The following AKNA variants were observed in gnomAD, a reference collection of about 807,000 sequenced individuals.
The protein encoded by AKNA is microtubule organization protein AKNA.
Under a neutral mutation model 138.8 loss-of-function variants are expected in AKNA, and 67 were observed. That is an observed-to-expected ratio of 0.48 (90% CI 0.40 to 0.59). The LOEUF (loss-of-function observed/expected upper bound fraction) is 0.59. Among genes scored for constraint, AKNA ranks in the 20% least tolerant of loss-of-function variants. The pLI, the probability that AKNA is intolerant of heterozygous loss-of-function variation, is 0.00. For missense variants in AKNA, 1,813 were observed against 1,880.4 expected (o/e 0.96, Z 0.66); for synonymous variants, 737 against 754.4 (o/e 0.98, Z 0.38).
chr9:114,330,844 G>C, downstream of AKNA: 2 of 1,613,932 alleles, frequency 1.2e-6, no homozygotes, highest in East Asian at 2.2e-5. Flanking sequence ...GCGGGAGAAT[G>C]GGACCGTCTC....
intron 1 of AKNA, among the ~76,000 whole-genome samples, chr9:114,394,002 G>A (rs899533725): frequency 3.3e-5 from 5 of 151,826 alleles, no homozygotes; most frequent in Admixed American, 6.6e-5. Context: ...GCGAAACCCC[G>A]TCTCTACTAA....
At chr9:114,338,714 CCT>C (rs1395287193) in intron 21 of AKNA, among the ~76,000 whole-genome samples, 4 of 152,182 alleles carry the variant, frequency 2.6e-5, no homozygotes, top group African/African-American at 9.7e-5. Flanking sequence ...CTTTGCAAGG[CCT>C]CTGTTTTCCC....
chr9:114,361,266 G>T (rs1343940132), intron 9 of AKNA, among the ~76,000 whole-genome samples: 1 of 152,146 alleles, frequency 6.6e-6, no homozygotes, highest in Admixed American at 6.5e-5. Flanking sequence ...TGTTTTCCCT[G>T]CTGGATGGGT....
intron 14 of AKNA, among the ~76,000 whole-genome samples, chr9:114,353,603 T>C (rs1401549572): frequency 1.3e-5 from 2 of 152,210 alleles, no homozygotes; most frequent in Non-Finnish European, 2.9e-5. Flanking sequence ...CACTTAATAT[T>C]GGGTATAAGC....
Position 114,336,877 on chromosome 9 carries a change from G to T in AKNA, c.*177C>A. On this transcript the variant is annotated 3_prime_UTR_variant, in exon 22 of 22. Coordinates refer to ENST00000374088, the MANE Select transcript of AKNA (RefSeq NM_001317950.2). ...AGTCACTTCTCTTGGTGACCGAGCT[G>T]ACACCCCCTCCACTTGGAAAGCACA... is the stretch of plus-strand genomic sequence containing the variant. The T allele has an allele frequency of 1.4e-6, 1 of 740,046 alleles. No individual in the cohort carries two copies. Among genetic ancestry groups the T allele is most frequent in the Non-Finnish European group, 1.9e-6 (1 of 520,704 alleles). 45.8% of individuals were successfully genotyped at this position (740,046 alleles called of 1,614,324 possible).
chr9:114,342,301 T>A (rs1455779311), intron 19 of AKNA, among the ~76,000 whole-genome samples, 176 bp from the exon 20 acceptor site: 1 of 152,194 alleles, frequency 6.6e-6, no homozygotes, highest in Non-Finnish European at 1.5e-5. Context: ...AGCAAGCATT[T>A]AGTGAGCCAG....
At chr9:114,383,093 GC>G in intron 1 of AKNA, 1 of 455,352 alleles carries the variant, frequency 2.2e-6, no homozygotes, top group East Asian at 7.0e-5. Flanking sequence ...TGGTTTCGCC[GC>G]CGATGGCTGG....
intron 11 of AKNA, among the ~76,000 whole-genome samples, chr9:114,358,591 T>TAGATAG (rs57850665): frequency 0.056 from 8,455 of 152,024 alleles, 713 homozygotes; most frequent in African/African-American, 0.18. Context: ...ACCTGAATAT[T>TAGATAG]ATCATATACT....
At chr9:114,373,333 C>G (rs1832933239) in intron 4 of AKNA, among the ~76,000 whole-genome samples, 1 of 152,136 alleles carries the variant, frequency 6.6e-6, no homozygotes, top group South Asian at 2.1e-4. Flanking sequence ...TCCTCCTGCC[C>G]CATACTGCTG....
chr9:114,343,912 C>T, intron 18 of AKNA, 109 bp from the exon 19 acceptor site: 2 of 938,422 alleles, frequency 2.1e-6, no homozygotes, highest in South Asian at 3.3e-5. Flanking sequence ...TTAATAGTCT[C>T]TGTCTCTCTC....
intron 15 of AKNA, among the ~76,000 whole-genome samples, chr9:114,349,609 C>T (rs1457359006): frequency 1.3e-5 from 2 of 152,204 alleles, no homozygotes; most frequent in East Asian, 1.9e-4. Flanking sequence ...AACCTGCCTA[C>T]GCTACGTCCC....
intron 4 of AKNA, among the ~76,000 whole-genome samples, chr9:114,370,799 A>G (rs982415052): frequency 6.6e-6 from 1 of 152,076 alleles, no homozygotes; most frequent in Non-Finnish European, 1.5e-5. Flanking sequence ...GAGGGAGGGG[A>G]GGAGGAAGAG....
chr9:114,363,750 G>A (rs1588987152), intron 7 of AKNA, among the ~76,000 whole-genome samples: 2 of 152,118 alleles, frequency 1.3e-5, no homozygotes, highest in Admixed American at 1.3e-4. Context: ...GGTGGGAAGA[G>A]AGAGACTTGA....
Position 114,359,921 on chromosome 9 carries a change from G to C in AKNA, c.2266C>G (p.Gln756Glu). The C allele has an allele frequency of 6.2e-7, 1 of 1,614,188 alleles. No homozygotes were observed. The highest frequency in any genetic ancestry group is 8.5e-7 in the Non-Finnish European group (1 of 1,180,024). Reference sequence around the variant, plus strand: ...CGCTCCATGAGGCCATGGTAAACTTGCTCCATCTGCAGCTCCTTGTGCCTG... The same window carrying C: ...CGCTCCATGAGGCCATGGTAAACTTCCTCCATCTGCAGCTCCTTGTGCCTG... ...RLRHKELQME[Q>E]VYHGLMERYL... The change falls in exon 10 of 22, where the codon CAA becomes GAA. Residue 756 changes from glutamine (Q) to glutamate (E), a missense_variant. Coordinates refer to ENST00000374088, the MANE Select transcript of AKNA (RefSeq NM_001317950.2).
chr9:114,330,829 G>A, downstream of AKNA: 1 of 1,613,992 alleles, frequency 6.2e-7, no homozygotes, highest in South Asian at 1.1e-5. Flanking sequence ...TTACCTGAAT[G>A]TCCAGCGGGA....
At chr9:114,352,868 CAG>C (rs1346350027) in intron 14 of AKNA, among the ~76,000 whole-genome samples, 1 of 151,472 alleles carries the variant, frequency 6.6e-6, no homozygotes, top group Non-Finnish European at 1.5e-5. Context: ...TTGCAGTGAG[CAG>C]AGAGTGCACC....
chr9:114,332,886 G>C (rs1173054868), downstream of AKNA, among the ~76,000 whole-genome samples: 3 of 152,172 alleles, frequency 2.0e-5, no homozygotes, highest in African/African-American at 7.2e-5. Context: ...AGTAAGCTGA[G>C]GTTCAGAGAC....
rs748817016 is a variant in AKNA, at chr9:114,387,078, G to A, written c.-114+782C>T. Among the ~76,000 whole-genome samples, 6 of 152,152 alleles carry A rather than the reference G, an allele frequency of 3.9e-5. No homozygotes were observed. The East Asian group carries it at 5.8e-4, about 15-fold the overall frequency. ...ACAGAGGATTCAAAGCTGGGGTACCGCAACTCTGAAACCAAGGCTGTCAGA... is the reference window on the plus strand; with the variant it reads ...ACAGAGGATTCAAAGCTGGGGTACCACAACTCTGAAACCAAGGCTGTCAGA... On this transcript the variant is annotated intron_variant, in intron 1 of 21. Transcript: ENST00000374088.
intron 4 of AKNA, among the ~76,000 whole-genome samples, chr9:114,372,753 C>T (rs148324230): frequency 0.018 from 2,688 of 152,262 alleles, 34 homozygotes; most frequent in Non-Finnish European, 0.029. Context: ...GTGGTTTCCC[C>T]AGAGAGGATG....
Sources: allele counts gnomAD v4.1 joint callset (sites outside exome capture counted in the v4.1 genomes callset), GRCh38; gene constraint gnomAD v4.1.1; transcripts MANE v1.5; gene names NCBI Gene and HGNC (gene_info 2026-07-23, HGNC 2026-07-21).